PI4KA: variants seen among roughly 807,000 people sequenced by gnomAD.
PI4KA encodes the protein PI4-kinase alpha.
In PI4KA, 122 loss-of-function variants were observed where a neutral mutation model predicts 271.4. The observed-to-expected ratio is 0.45, with a 90% CI of 0.39 to 0.52. PI4KA has a LOEUF of 0.52. PI4KA is among the 20% of genes least tolerant of loss of function. The pLI is 0.00. For synonymous variants in PI4KA, 1,041 were observed against 1,078.8 expected (o/e 0.96, Z 0.69); for missense variants, 1,969 against 2,769.1 (o/e 0.71, Z 6.48).
chr22:20,753,901 T>A (rs1304797985), intron 23 of PI4KA, among the ~76,000 whole-genome samples: 3 of 152,180 alleles, frequency 2.0e-5, no homozygotes, highest in Non-Finnish European at 4.4e-5. Context: ...TTGGCCAGGA[T>A]GGTCTTGATC....
At chr22:20,708,122 G>A (rs1179157796) in intron 54 of PI4KA, 24 bp from the exon 55 acceptor site, 5 of 1,576,648 alleles carry the variant, frequency 3.2e-6, no homozygotes, top group Admixed American at 1.7e-5. Context: ...GAAGAGTGAA[G>A]GGAGATTCGA....
intron 51 of PI4KA, 142 bp downstream of exon 51, chr22:20,711,199 G>C: frequency 1.7e-6 from 1 of 571,636 alleles, no homozygotes. Context: ...CTTGGTGGCC[G>C]ACAGTTCGGA....
intron 23 of PI4KA, among the ~76,000 whole-genome samples, chr22:20,760,106 G>A (rs1396171197): frequency 3.9e-5 from 6 of 152,118 alleles, no homozygotes; most frequent in Non-Finnish European, 5.9e-5. Context: ...CTTCTGGTGC[G>A]GAAAGGACTA....
At chr22:20,717,288 C>T (rs543028508) in intron 45 of PI4KA, among the ~76,000 whole-genome samples, 22 of 152,358 alleles carry the variant, frequency 1.4e-4, no homozygotes, top group African/African-American at 5.1e-4. Context: ...CACAGGCACC[C>T]AGGAGCGACT....
chr22:20,793,576 GA>G (rs546281389), intron 18 of PI4KA, among the ~76,000 whole-genome samples: 2 of 150,034 alleles, frequency 1.3e-5, no homozygotes, highest in Non-Finnish European at 1.5e-5. Context: ...CATGTCAAAT[GA>G]AAAAAAAATC....
chr22:20,854,537 C>T (rs1236686698), intron 1 of PI4KA, among the ~76,000 whole-genome samples: 1 of 151,944 alleles, frequency 6.6e-6, no homozygotes, highest in Non-Finnish European at 1.5e-5. Flanking sequence ...TGTAGAGAGA[C>T]AAAGGTAGGG....
At chr22:20,827,565 G>GT (rs1052405473) in intron 3 of PI4KA, among the ~76,000 whole-genome samples, 9 of 152,030 alleles carry the variant, frequency 5.9e-5, no homozygotes, top group Non-Finnish European at 8.8e-5. Context: ...TTTTAAAATA[G>GT]TTTTTTTCTA....
At chr22:20,830,075 T>G (rs1170666895) in intron 3 of PI4KA, among the ~76,000 whole-genome samples, 1 of 152,184 alleles carries the variant, frequency 6.6e-6, no homozygotes, top group Non-Finnish European at 1.5e-5. Flanking sequence ...GATTTTAGAG[T>G]ATGTTGCATG....
chr22:20,729,929 G>T lies in PI4KA; in HGVS notation c.4371C>A (p.Pro1457=), dbSNP rs377578674. Residue 1457 remains proline, a synonymous_variant, in exon 37 of 55, where the codon CCC becomes CCA. Transcript: ENST00000255882. The part of the protein sequence containing the change: ...QATQGWINTY[P]LSSGMSTISK... Reference sequence around the variant, plus strand: ...AGATGGTGGACATGCCGCTGGACAGGGGGTATGTGTTGATCCAGCCTTGGG... The same window carrying T: ...AGATGGTGGACATGCCGCTGGACAGTGGGTATGTGTTGATCCAGCCTTGGG... 7 of 1,614,186 alleles carry T rather than the reference G, an allele frequency of 4.3e-6. No homozygotes were observed. The highest frequency in any genetic ancestry group is 5.9e-6 in the Non-Finnish European group (7 of 1,180,022).
rs763087074 is a variant in PI4KA at position 20,770,534 on chromosome 22, A to AAAAG, written c.2329-4842_2329-4841insCTTT. Among the ~76,000 whole-genome samples the AAAAG allele has an allele frequency of 6.2e-3, 475 of 76,748 alleles. 92 individuals are homozygous for AAAAG. Among genetic ancestry groups the AAAAG allele is most frequent in the South Asian group, 9.6e-3 (25 of 2,596 alleles). The allele number at this position is 76,748 out of a possible 152,430, so 50.3% of individuals were successfully genotyped here. On this transcript the variant is annotated intron_variant, in intron 19 of 54. Transcript: ENST00000255882. ...GTCTCAAAAAAAAAAAAAAAAAAAG[A>AAAAG]GAGAGAGAGAGATCGGTTTTGCTAT...
At position 20,707,952 on chromosome 22, in the gene PI4KA, C is replaced by T; in HGVS notation, c.*95G>A. 1 of 1,109,254 alleles carries T rather than the reference C, an allele frequency of 9.0e-7. No homozygotes were observed. The highest frequency in any genetic ancestry group is 1.4e-6 in the Non-Finnish European group (1 of 720,374). The allele number at this position is 1,109,254 out of a possible 1,614,324, so 68.7% of individuals were successfully genotyped here. On this transcript the variant is annotated 3_prime_UTR_variant, in exon 55 of 55. Transcript: ENST00000255882. ...CTTTGGGCCACAGGCCTCTCCTCCA[C>T]TGCATGTGGCGGCAGGGCAGGGAGG...
chr22:20,827,861 C>G (rs1469678721), intron 3 of PI4KA, among the ~76,000 whole-genome samples: 1 of 152,140 alleles, frequency 6.6e-6, no homozygotes, highest in African/African-American at 2.4e-5. Flanking sequence ...GTGGCACAAT[C>G]GCGGCTCACT....
chr22:20,793,010 C>T (rs189825960), intron 19 of PI4KA, among the ~76,000 whole-genome samples, 183 bp downstream of exon 19: 1 of 152,214 alleles, frequency 6.6e-6, no homozygotes, highest in East Asian at 1.9e-4. Flanking sequence ...GAAGGATGTG[C>T]CATGGTGGAC....
At chr22:20,820,943 A>G (rs1361403974) in intron 4 of PI4KA, among the ~76,000 whole-genome samples, 1 of 152,214 alleles carries the variant, frequency 6.6e-6, no homozygotes, top group African/African-American at 2.4e-5. Flanking sequence ...TTTCATGGGT[A>G]AACGCCCTAG....
intron 4 of PI4KA, among the ~76,000 whole-genome samples, chr22:20,822,359 A>G (rs951870884): frequency 2.0e-5 from 3 of 148,128 alleles, no homozygotes; most frequent in Non-Finnish European, 4.5e-5. Context: ...AAGCTTATAG[A>G]TGAGGAAGAT....
At chr22:20,728,092 TTTAAA>T (rs1278785620) in intron 39 of PI4KA, among the ~76,000 whole-genome samples, 2 of 152,162 alleles carry the variant, frequency 1.3e-5, no homozygotes, top group Non-Finnish European at 2.9e-5. Flanking sequence ...GAAAAATAAC[TTTAAA>T]AGAGTGTAAC....
intron 1 of PI4KA, among the ~76,000 whole-genome samples, chr22:20,840,118 A>G (rs1925369648): frequency 6.6e-6 from 1 of 152,234 alleles, no homozygotes; most frequent in African/African-American, 2.4e-5. Context: ...GGCAGATGAA[A>G]CTAATGTGCT....
In PI4KA at chr22:20,787,237, A is replaced by G. The variant is rs1185896916; in HGVS notation, c.2328+5956T>C. On this transcript the variant is annotated intron_variant, in intron 19 of 54. Transcript: ENST00000255882. ...ACGACCAAGAAGAGAGGCTTGTTGG[A>G]ATCAATTCTGCACAATAGCCCATGC... is the stretch of plus-strand genomic sequence containing the variant. 25 of 670,610 alleles carry G rather than the reference A, an allele frequency of 3.7e-5. No homozygotes were observed. The South Asian group carries it at 3.9e-4, about 11-fold the overall frequency. The allele number at this position is 670,610 out of a possible 1,614,324, so 41.5% of individuals were successfully genotyped here.
At chr22:20,747,271 G>A (rs1282377035) in intron 29 of PI4KA, among the ~76,000 whole-genome samples, 4 of 152,014 alleles carry the variant, frequency 2.6e-5, no homozygotes, top group Admixed American at 1.3e-4. Flanking sequence ...CGTGTCAGGC[G>A]GAGCTCTGTT....
Sources: allele counts gnomAD v4.1 joint callset (sites outside exome capture counted in the v4.1 genomes callset), GRCh38; gene constraint gnomAD v4.1.1; transcripts MANE v1.5; gene names NCBI Gene and HGNC (gene_info 2026-07-23, HGNC 2026-07-21).